The following GALNT3 variants were observed in gnomAD, a reference collection of about 807,000 sequenced individuals.
The protein encoded by GALNT3 is GalNAc transferase 3.
In GALNT3, 51 loss-of-function variants were observed where a neutral mutation model predicts 69.8. The ratio of observed to expected loss-of-function variants is 0.73; its 90% CI spans 0.58 to 0.92. The LOEUF (loss-of-function observed/expected upper bound fraction) is 0.92. Ranked by LOEUF, GALNT3 falls within the 40% of genes least tolerant of loss-of-function variation. GALNT3 has a pLI of 0.00. For missense variants in GALNT3, 711 were observed against 760.0 expected, an observed-to-expected ratio of 0.94 and a Z score of 0.76; for synonymous variants, 265 against 248.5, an observed-to-expected ratio of 1.07 and a Z score of -0.63.
chr2:165,791,456 C>T (rs1428471408), intron 1 of GALNT3, among the ~76,000 whole-genome samples: 1 of 152,026 alleles, frequency 6.6e-6, no homozygotes, highest in Non-Finnish European at 1.5e-5. Flanking sequence ...AAAGAACATA[C>T]ATGTTGTAAG....
intron 1 of GALNT3, among the ~76,000 whole-genome samples, chr2:165,776,105 T>C (rs1290178831): frequency 6.6e-6 from 1 of 152,140 alleles, no homozygotes. Flanking sequence ...ATCATAAAAA[T>C]GGGAAAATTG....
rs1688729585 is a variant in GALNT3, at chr2:165,770,419, C to G, written c.282G>C (p.Glu94Asp). 1 of 1,614,238 alleles carries G rather than the reference C, an allele frequency of 6.2e-7. No individual in the cohort carries two copies. The highest frequency in any genetic ancestry group is 8.5e-7 in the Non-Finnish European group (1 of 1,180,042). The change falls in exon 2 of 11, where the codon GAG (glutamate) becomes GAC (aspartate). Residue 94 changes from glutamate to aspartate, a missense_variant. Physicochemically the swap from Glu to Asp is conservative, Grantham distance 45. Transcript: ENST00000392701. ...APVRQNIDAG[E>D]RPCLQGYYTA... is the part of the protein sequence containing the mutation. ...TATAATATCCTTGCAAACAAGGTCT[C>G]TCACCAGCATCAATGTTTTGCCTGA... is the stretch of plus-strand genomic sequence containing the variant.
chr2:165,751,735 C>G (rs1387507038), intron 9 of GALNT3, among the ~76,000 whole-genome samples: 1 of 151,940 alleles, frequency 6.6e-6, no homozygotes, highest in Non-Finnish European at 1.5e-5. Context: ...CCAGCTTAGT[C>G]ACATAACCAA....
chr2:165,779,535 T>A (rs1294002158), intron 1 of GALNT3, among the ~76,000 whole-genome samples: 4 of 152,212 alleles, frequency 2.6e-5, no homozygotes, highest in Non-Finnish European at 5.9e-5. Flanking sequence ...TCCTAACAGC[T>A]ATTGTAGTCA....
At chr2:165,787,561 C>T (rs983459216) in intron 1 of GALNT3, among the ~76,000 whole-genome samples, 7 of 152,064 alleles carry the variant, frequency 4.6e-5, no homozygotes, top group African/African-American at 1.7e-4. Flanking sequence ...TGGCAAAAGT[C>T]CAGGCAAGAG....
chr2:165,769,583 G>A (rs980359359), intron 2 of GALNT3, among the ~76,000 whole-genome samples: 1 of 151,640 alleles, frequency 6.6e-6, no homozygotes, highest in Non-Finnish European at 1.5e-5. Context: ...GTGAAACCCC[G>A]TTTCTACTAA....
chr2:165,767,042 T>C (rs1335060407), intron 2 of GALNT3, among the ~76,000 whole-genome samples: 2 of 152,178 alleles, frequency 1.3e-5, no homozygotes, highest in Non-Finnish European at 2.9e-5. Context: ...TTCTTCATCA[T>C]TCATAAATAA....
chr2:165,770,321 G>C lies in GALNT3; in HGVS notation c.380C>G (p.Ala127Gly). The change falls in exon 2 of 11, where the codon GCA becomes GGA. Residue 127 changes from alanine to glycine, a missense_variant. Physicochemically the swap from Ala to Gly is moderately conservative, Grantham distance 60 (BLOSUM62 0). Transcript: ENST00000392701. ...AACACTTAAATTGGTTGTCTTGAATGCTTTACCAGAAGCACCAGGTGCATT... is the reference window on the plus strand; with the variant it reads ...AACACTTAAATTGGTTGTCTTGAATCCTTTACCAGAAGCACCAGGTGCATT... ...DSNAPGASGK[A>G]FKTTNLSVEE... The C allele has an allele frequency of 6.2e-7, 1 of 1,614,146 alleles. No homozygotes were observed. Among genetic ancestry groups the C allele is most frequent in the Non-Finnish European group, 8.5e-7 (1 of 1,180,044 alleles).
chr2:165,769,440 TA>T (rs1553493935), intron 2 of GALNT3, among the ~76,000 whole-genome samples: 3,961 of 112,520 alleles, frequency 0.035, 64 homozygotes, highest in East Asian at 0.072. Flanking sequence ...ATAATAATAA[TA>T]AATAAATAAA....
chr2:165,750,428 A>C (rs1418917502), intron 9 of GALNT3, among the ~76,000 whole-genome samples: 1 of 152,170 alleles, frequency 6.6e-6, no homozygotes, highest in Non-Finnish European at 1.5e-5. Context: ...GTTTTCATAC[A>C]TTTTAGCTAT....
rs889861054 is a variant in GALNT3, at chr2:165,762,709, C to T, written c.689-655G>A. Among the ~76,000 whole-genome samples the T allele has an allele frequency of 1.1e-4, 16 of 152,192 alleles. 1 individual carries two copies. Among genetic ancestry groups the T allele is most frequent in the African/African-American group, 2.9e-4 (12 of 41,534 alleles). ...TATATACTTTAAGATATTCAATATA[C>T]CAAATTGGATAAGGTTTGTAATAAG... On this transcript the variant is annotated intron_variant, in intron 3 of 10. Transcript: ENST00000392701.
At chr2:165,754,591 G>A (rs1688412157) in intron 9 of GALNT3, 36 bp downstream of exon 9, 1 of 1,403,464 alleles carries the variant, frequency 7.1e-7, no homozygotes, top group Non-Finnish European at 1.0e-6. Flanking sequence ...GCTTGTAAAT[G>A]CTTTACAAGT....
At chr2:165,792,184 C>T (rs1314794011) in intron 1 of GALNT3, among the ~76,000 whole-genome samples, 2 of 152,130 alleles carry the variant, frequency 1.3e-5, no homozygotes, top group African/African-American at 4.8e-5. Flanking sequence ...CTGGAAGATA[C>T]TCCTGATTGT....
chr2:165,785,314 G>T (rs564431720), intron 1 of GALNT3, among the ~76,000 whole-genome samples: 1 of 151,840 alleles, frequency 6.6e-6, no homozygotes, highest in Non-Finnish European at 1.5e-5. Flanking sequence ...ATAGTTAAAT[G>T]GGAACAAAAA....
chr2:165,757,354 A>T, intron 6 of GALNT3, 107 bp from the exon 7 acceptor site: 1 of 975,374 alleles, frequency 1.0e-6, no homozygotes, highest in Non-Finnish European at 1.6e-6. Context: ...TAGAGAAGAG[A>T]TTACAATATT....
chr2:165,786,985 T>C (rs1683236144), intron 1 of GALNT3, among the ~76,000 whole-genome samples: 1 of 152,210 alleles, frequency 6.6e-6, no homozygotes, highest in African/African-American at 2.4e-5. Context: ...TATAAAGGCA[T>C]TAATAACTAA....
intron 1 of GALNT3, among the ~76,000 whole-genome samples, chr2:165,789,929 A>G (rs1032946858): frequency 3.3e-5 from 5 of 152,204 alleles, no homozygotes; most frequent in African/African-American, 1.2e-4. Flanking sequence ...CTAACAAATG[A>G]GTTAAATTTT....
At position 165,770,536 on chromosome 2, in the gene GALNT3, G is replaced by C. The variant is rs140452696; in HGVS notation, c.165C>G (p.Asn55Lys). The C allele has an allele frequency of 1.2e-6, 2 of 1,613,792 alleles. No homozygotes were observed. Among genetic ancestry groups the C allele is most frequent in the African/African-American group, 2.7e-5 (2 of 74,862 alleles). The stretch of plus-strand genomic sequence containing the variant: ...CCAACATCTTGTTTTTGTTTTTCAT[G>C]TTCCTTTCCATCCTTGATTCCTCTT... ...YSKEESRMER[N>K]MKNKNKMLDL... The change falls in exon 2 of 11, where the codon AAC becomes AAG. Residue 55 changes from asparagine to lysine, a missense_variant. By Grantham distance (94) the Asn-to-Lys change is moderately conservative. Coordinates refer to ENST00000392701, the MANE Select transcript of GALNT3 (RefSeq NM_004482.4).
chr2:165,784,602 G>A (rs1363792596), intron 1 of GALNT3, among the ~76,000 whole-genome samples: 1 of 152,096 alleles, frequency 6.6e-6, no homozygotes, highest in Non-Finnish European at 1.5e-5. Context: ...TCGGGAGGCT[G>A]AGGCAAGAGG....
Sources: gnomAD v4.1 joint callset for allele counts (sites outside exome capture counted in the v4.1 genomes callset) on GRCh38, gnomAD v4.1.1 for gene constraint, MANE v1.5 for transcripts, NCBI Gene and HGNC (gene_info 2026-07-23, HGNC 2026-07-21) for gene names.